GSE1: variants seen among roughly 807,000 people sequenced by gnomAD.
GSE1 encodes genetic suppressor element 1.
GSE1 carries 32 observed loss-of-function variants against 112.6 expected under a neutral mutation model. The ratio of observed to expected loss-of-function variants is 0.28; its 90% CI spans 0.21 to 0.38. GSE1 has a LOEUF of 0.38. Ranked by LOEUF, GSE1 falls within the 10% of genes least tolerant of loss-of-function variation. The probability of loss-of-function intolerance (pLI) is 1.00; values close to 1 mark genes in which losing one functional copy is unlikely to be tolerated. For missense variants in GSE1, 2,348 were observed against 1,699.2 expected (o/e 1.38, Z -6.71); for synonymous variants, 1,115 against 735.6 (o/e 1.52, Z -8.35).
At chr16:85,656,167 C>T (rs867430561) in intron 6 of GSE1, among the ~76,000 whole-genome samples, 176 bp from the exon 7 acceptor site, 2 of 152,138 alleles carry the variant, frequency 1.3e-5, no homozygotes, top group Admixed American at 6.5e-5. Flanking sequence ...TTTTGTAAGC[C>T]GCTTTGATTG....
chr16:85,462,352 C>T (rs1488949311), intron 2 of GSE1, among the ~76,000 whole-genome samples: 1 of 152,006 alleles, frequency 6.6e-6, no homozygotes, highest in African/African-American at 2.4e-5. Context: ...AGGGGGCCCT[C>T]CACCCTCCCT....
At chr16:85,589,762 T>C (rs2046893287) in intron 1 of GSE1, among the ~76,000 whole-genome samples, 1 of 152,000 alleles carries the variant, frequency 6.6e-6, no homozygotes, top group Non-Finnish European at 1.5e-5. Context: ...TGTGTGAACT[T>C]GTGTGACATT....
At chr16:85,306,654 T>C (rs751944738) in intron 1 of GSE1, among the ~76,000 whole-genome samples, 4 of 152,148 alleles carry the variant, frequency 2.6e-5, no homozygotes, top group Non-Finnish European at 4.4e-5. Flanking sequence ...GTTCAAGCGA[T>C]CCTCCCACCT....
intron 2 of GSE1, among the ~76,000 whole-genome samples, chr16:85,647,426 G>A (rs2050966195): frequency 6.6e-6 from 1 of 152,140 alleles, no homozygotes; most frequent in African/African-American, 2.4e-5. Flanking sequence ...CCTTAAAGAT[G>A]GTGAATTATA....
At chr16:85,235,408 A>AG in intron 1 of GSE1, among the ~76,000 whole-genome samples, 1 of 109,430 alleles carries the variant, frequency 9.1e-6, no homozygotes, top group East Asian at 3.0e-4. Flanking sequence ...GGGTGGGGTG[A>AG]GGGGGGTGAT....
chr16:85,356,903 C>T (rs998366216), intron 1 of GSE1, among the ~76,000 whole-genome samples: 6 of 152,156 alleles, frequency 3.9e-5, no homozygotes, highest in African/African-American at 9.7e-5. Flanking sequence ...ACCAGGTGCC[C>T]GGCGGCCCAG....
chr16:85,232,830 G>A (rs1904301906), intron 1 of GSE1, among the ~76,000 whole-genome samples: 1 of 152,236 alleles, frequency 6.6e-6, no homozygotes, highest in African/African-American at 2.4e-5. Context: ...GCATTTTCAG[G>A]ATCTCAACCC....
intron 2 of GSE1, among the ~76,000 whole-genome samples, chr16:85,363,826 A>G (rs1272515803): frequency 1.3e-5 from 2 of 151,888 alleles, no homozygotes; most frequent in African/African-American, 4.8e-5. Context: ...GGTGGGTGGG[A>G]GCTGCTGCAG....
Position 85,628,859 on chromosome 16 carries a change from A to G in GSE1, c.8-5055A>G, listed in dbSNP as rs74475984. On this transcript the variant is annotated intron_variant, in intron 1 of 15. Coordinates refer to ENST00000253458, the MANE Select transcript of GSE1 (RefSeq NM_014615.5). ...TGGGGTCTGGTCTGGGACTCGCGCC[A>G]TGGCCTCTGTGTACCACTGATAGGG... 2.4e-3 allele frequency among the ~76,000 whole-genome samples: 372 copies of G among 152,264 alleles called. 13 individuals are homozygous for G. The East Asian group carries it at 0.067, about 27-fold the overall frequency.
intron 2 of GSE1, among the ~76,000 whole-genome samples, chr16:85,448,796 G>T (rs1337579850): frequency 6.6e-6 from 1 of 152,236 alleles, no homozygotes; most frequent in African/African-American, 2.4e-5. Flanking sequence ...AGAGGCAGGC[G>T]GCAGCTGCTG....
At chr16:85,656,249 G>A in intron 6 of GSE1, 94 bp from the exon 7 acceptor site, 2 of 1,483,700 alleles carry the variant, frequency 1.3e-6, no homozygotes, top group Non-Finnish European at 1.8e-6. Context: ...TTAGCGCCCT[G>A]GCTCGTTCCT....
intron 2 of GSE1, among the ~76,000 whole-genome samples, chr16:85,358,336 T>G (rs1306994096): frequency 6.6e-6 from 1 of 152,064 alleles, no homozygotes; most frequent in Non-Finnish European, 1.5e-5. Context: ...GTGACCCCCA[T>G]GATGCGTTTT....
intron 1 of GSE1, among the ~76,000 whole-genome samples, chr16:85,233,433 G>C (rs1372566950): frequency 1.3e-5 from 2 of 152,310 alleles, no homozygotes; most frequent in African/African-American, 4.8e-5. Context: ...GGGAAATTTA[G>C]AACAGTTCCA....
chr16:85,423,690 A>G (rs1198136787), intron 2 of GSE1, among the ~76,000 whole-genome samples: 1 of 151,568 alleles, frequency 6.6e-6, no homozygotes, highest in East Asian at 1.9e-4. Context: ...GTCTTACTCC[A>G]CCAAGCAGAC....
At chr16:85,366,230 C>T (rs1597497594) in intron 2 of GSE1, among the ~76,000 whole-genome samples, 1 of 152,266 alleles carries the variant, frequency 6.6e-6, no homozygotes, top group East Asian at 1.9e-4. Context: ...TCCCAGAGCT[C>T]TGCCCCCACT....
At chr16:85,599,384 G>T (rs1460880579) in intron 1 of GSE1, among the ~76,000 whole-genome samples, 1 of 152,228 alleles carries the variant, frequency 6.6e-6, no homozygotes, top group Non-Finnish European at 1.5e-5. Flanking sequence ...AGCTGGGACA[G>T]GGGCTACCTG....
intron 1 of GSE1, among the ~76,000 whole-genome samples, chr16:85,267,948 G>A (rs1327337094): frequency 4.6e-5 from 7 of 152,146 alleles, no homozygotes; most frequent in Non-Finnish European, 8.8e-5. Flanking sequence ...CTGGGAGATG[G>A]GGCTAATAGC....
chr16:85,669,565 CT>C (rs1354212163), intron 14 of GSE1, among the ~76,000 whole-genome samples: 6 of 152,240 alleles, frequency 3.9e-5, no homozygotes, highest in Non-Finnish European at 7.4e-5. Flanking sequence ...TGTTGCCATT[CT>C]TTTAGTGCAC....
At chr16:85,594,264 A>G (rs2047127935) in intron 1 of GSE1, 1 of 145,646 alleles carries the variant, frequency 6.9e-6, no homozygotes, top group Non-Finnish European at 1.5e-5. Context: ...ACAGGCGGGC[A>G]GGGGTTGGAA....
Sources: gnomAD v4.1 joint callset for allele counts (sites outside exome capture counted in the v4.1 genomes callset) on GRCh38, gnomAD v4.1.1 for gene constraint, MANE v1.5 for transcripts, NCBI Gene and HGNC (gene_info 2026-07-23, HGNC 2026-07-21) for gene names.